The following LPP variants were observed in gnomAD, a reference collection of about 807,000 sequenced individuals.
LPP encodes LIM domain containing preferred translocation partner in lipoma, also known as lipoma-preferred partner.
In LPP, 38 loss-of-function variants were observed where a neutral mutation model predicts 60.4. The ratio of observed to expected loss-of-function variants is 0.63; its 90% CI spans 0.49 to 0.83. The LOEUF is 0.83. Ranked by LOEUF, LPP falls within the 40% of genes least tolerant of loss-of-function variation. LPP has a pLI of 0.00. For missense variants in LPP, 902 were observed against 783.6 expected (o/e 1.15, Z -1.80); for synonymous variants, 328 against 290.8 (o/e 1.13, Z -1.30).
intron 8 of LPP, among the ~76,000 whole-genome samples, chr3:188,737,356 G>A (rs963340091): frequency 2.6e-5 from 4 of 152,060 alleles, no homozygotes; most frequent in African/African-American, 7.2e-5. Context: ...CTCTCTTCTG[G>A]CTCAAAGATT....
chr3:188,611,958 T>G (rs1334374706), intron 7 of LPP, among the ~76,000 whole-genome samples: 1 of 152,220 alleles, frequency 6.6e-6, no homozygotes, highest in African/African-American at 2.4e-5. Flanking sequence ...CACAGGGAGA[T>G]GGAATGAATT....
At position 188,866,198 on chromosome 3, in the gene LPP, A is replaced by T; in HGVS notation, c.1411-2A>T. On this transcript the variant is annotated splice_acceptor_variant, in intron 9 of 11. Transcript: ENST00000617246. LOFTEE classifies it high-confidence loss of function. Reference sequence around the variant, plus strand: ...TGACGTGGTTTCTGTTTCCTTCCCCAGAATACTCTGGAGCAGTGCAATGTG... The same window carrying T: ...TGACGTGGTTTCTGTTTCCTTCCCCTGAATACTCTGGAGCAGTGCAATGTG... 9 of 1,462,232 alleles carry T rather than the reference A, an allele frequency of 6.2e-6. No homozygotes were observed. Among genetic ancestry groups the T allele is most frequent in the Non-Finnish European group, 8.2e-6 (9 of 1,097,248 alleles). The allele number at this position is 1,462,232 out of a possible 1,614,324, so 90.6% of individuals were successfully genotyped here. A position where few individuals can be genotyped will look rare whatever the true frequency, so the allele number is the denominator to read the frequency against.
At chr3:188,754,391 T>G (rs1729461971) in intron 8 of LPP, among the ~76,000 whole-genome samples, 1 of 152,230 alleles carries the variant, frequency 6.6e-6, no homozygotes, top group Non-Finnish European at 1.5e-5. Flanking sequence ...CAACATGTAT[T>G]ATGATGCGTT....
intron 2 of LPP, chr3:188,247,205 G>T: frequency 1.0e-6 from 1 of 982,870 alleles, no homozygotes. Context: ...GAGATCAAGG[G>T]TTCTGTGAGT....
intron 8 of LPP, among the ~76,000 whole-genome samples, chr3:188,748,572 A>G (rs1440827226): frequency 1.3e-5 from 2 of 152,112 alleles, no homozygotes; most frequent in Non-Finnish European, 2.9e-5. Context: ...TCACAAGGTC[A>G]GGAGTTTGAG....
chr3:188,613,173 G>A (rs1414483029), intron 7 of LPP, among the ~76,000 whole-genome samples: 1 of 150,046 alleles, frequency 6.7e-6, no homozygotes, highest in Non-Finnish European at 1.5e-5. Flanking sequence ...TCTTCTCTTT[G>A]CTGATTTATA....
intron 7 of LPP, among the ~76,000 whole-genome samples, chr3:188,640,793 A>T (rs994909822): frequency 6.6e-6 from 1 of 152,190 alleles, no homozygotes; most frequent in African/African-American, 2.4e-5. Flanking sequence ...ACCTCAAGCC[A>T]AAGAGCAATC....
intron 7 of LPP, among the ~76,000 whole-genome samples, chr3:188,697,915 A>G (rs1263322751): frequency 1.4e-5 from 2 of 146,886 alleles, no homozygotes; most frequent in South Asian, 2.1e-4. Flanking sequence ...AAGAATTATG[A>G]CAATCCAAGT....
intron 9 of LPP, among the ~76,000 whole-genome samples, chr3:188,857,223 C>T (rs778911620): frequency 6.6e-6 from 1 of 152,198 alleles, no homozygotes; most frequent in African/African-American, 2.4e-5. Context: ...ATTTTTCAAG[C>T]TCAACCAAAC....
chr3:188,805,907 C>CT (rs1748988155), intron 9 of LPP, among the ~76,000 whole-genome samples: 7 of 151,186 alleles, frequency 4.6e-5, no homozygotes, highest in Admixed American at 4.6e-4. Context: ...CTGTTATTGT[C>CT]TTTTAGTTTA....
intron 4 of LPP, among the ~76,000 whole-genome samples, chr3:188,434,278 ATAT>A (rs1453589059): frequency 4.6e-5 from 7 of 152,300 alleles, no homozygotes; most frequent in Admixed American, 2.6e-4. Flanking sequence ...TGTCAATGTA[ATAT>A]TATGCTAAGT....
At chr3:188,272,371 A>G (rs1232390780) in intron 2 of LPP, among the ~76,000 whole-genome samples, 1 of 152,216 alleles carries the variant, frequency 6.6e-6, no homozygotes. Context: ...TTAACGGCAA[A>G]CAGAACAAAA....
chr3:188,377,242 A>G (rs949775771), intron 3 of LPP, among the ~76,000 whole-genome samples: 1 of 152,032 alleles, frequency 6.6e-6, no homozygotes, highest in African/African-American at 2.4e-5. Flanking sequence ...CCTGAATTTG[A>G]ATGTTGGCCT....
At chr3:188,403,722 A>T (rs1436913780) in intron 3 of LPP, among the ~76,000 whole-genome samples, 1 of 152,196 alleles carries the variant, frequency 6.6e-6, no homozygotes, top group African/African-American at 2.4e-5. Context: ...GAACAGCTAA[A>T]TTTAAAAACC....
rs57139663 is a variant in LPP at position 188,524,901 on chromosome 3, T to A, written c.429+114T>A. On this transcript the variant is annotated intron_variant, in intron 6 of 11. Transcript: ENST00000617246. Reference sequence around the variant, plus strand: ...TCCCCTTCCTTCCTTCCGTCCGTCCTTCCTTCCTTCCTTCCTTCCTTCCTT... The same window carrying A: ...TCCCCTTCCTTCCTTCCGTCCGTCCATCCTTCCTTCCTTCCTTCCTTCCTT... 8.1e-5 allele frequency: 21 copies of A among 257,796 alleles called. No individual in the cohort carries two copies. In the Middle Eastern group the frequency reaches 4.0e-3, roughly 49 times the overall value. The allele number at this position is 257,796 out of a possible 1,614,324, so 16.0% of individuals were successfully genotyped here. A position where few individuals can be genotyped will look rare whatever the true frequency, so the allele number is the denominator to read the frequency against.
chr3:188,739,090 A>T (rs887919160), intron 8 of LPP, among the ~76,000 whole-genome samples: 1 of 152,146 alleles, frequency 6.6e-6, no homozygotes, highest in South Asian at 2.1e-4. Flanking sequence ...ATAGCACAAA[A>T]TGAATTAACA....
At chr3:188,777,754 G>C (rs546668113) in intron 9 of LPP, among the ~76,000 whole-genome samples, 2 of 152,118 alleles carry the variant, frequency 1.3e-5, no homozygotes, top group Non-Finnish European at 2.9e-5. Flanking sequence ...TTTTCTCTCT[G>C]ACATCCAGAA....
chr3:188,633,293 G>C (rs1028543958), intron 7 of LPP, among the ~76,000 whole-genome samples: 1 of 152,158 alleles, frequency 6.6e-6, no homozygotes, highest in Admixed American at 6.5e-5. Context: ...CTAAGACACA[G>C]TTCTTTACAC....
intron 6 of LPP, among the ~76,000 whole-genome samples, chr3:188,528,116 G>A (rs1457135478): frequency 6.6e-6 from 1 of 152,132 alleles, no homozygotes; most frequent in Non-Finnish European, 1.5e-5. Context: ...TAAAATGTGA[G>A]CATAGAGTAT....
Sources: allele counts gnomAD v4.1 joint callset (sites outside exome capture counted in the v4.1 genomes callset), GRCh38; gene constraint gnomAD v4.1.1; transcripts MANE v1.5; gene names NCBI Gene and HGNC (gene_info 2026-07-23, HGNC 2026-07-21).